Variants in NAALADL2 observed in about 807,000 individuals in gnomAD.
NAALADL2 encodes inactive N-acetylated-alpha-linked acidic dipeptidase-like protein 2.
Under a neutral mutation model 87.2 loss-of-function variants are expected in NAALADL2, and 76 were observed. That is an observed-to-expected ratio of 0.87 (90% CI 0.72 to 1.05). The LOEUF (loss-of-function observed/expected upper bound fraction) is 1.05. Ranked by LOEUF, NAALADL2 falls within the 50% of genes least tolerant of loss-of-function variation. The pLI is 0.00. For missense variants in NAALADL2, 1,089 were observed against 945.8 expected, an observed-to-expected ratio of 1.15 and a Z score of -1.99; for synonymous variants, 354 against 331.0, an observed-to-expected ratio of 1.07 and a Z score of -0.75.
rs571089260 is a variant in NAALADL2 at position 175,573,208 on chromosome 3, G to C, written c.1654-2833G>C. Among the ~76,000 whole-genome samples, 32 of 152,258 alleles carry C rather than the reference G, an allele frequency of 2.1e-4. No homozygotes were observed. In the South Asian group the frequency reaches 6.6e-3, roughly 32 times the overall value. On this transcript the variant is annotated intron_variant, in intron 9 of 13. Coordinates refer to ENST00000454872, the MANE Select transcript of NAALADL2 (RefSeq NM_207015.3). ...ATGGCTGAGCATGGGTGGATGTTAAGAGTTAACGTATGTAAAACAAAATTA... is the reference window on the plus strand; with the variant it reads ...ATGGCTGAGCATGGGTGGATGTTAACAGTTAACGTATGTAAAACAAAATTA...
chr3:175,742,487 T>A (rs1745365026), intron 12 of NAALADL2, among the ~76,000 whole-genome samples: 1 of 152,058 alleles, frequency 6.6e-6, no homozygotes, highest in African/African-American at 2.4e-5. Context: ...AAGCTCCGCC[T>A]CCCGGGTTCA....
intron 1 of NAALADL2, among the ~76,000 whole-genome samples, chr3:174,910,801 G>A (rs1490424097): frequency 6.6e-6 from 1 of 152,008 alleles, no homozygotes; most frequent in African/African-American, 2.4e-5. Flanking sequence ...TTTAAAATGT[G>A]ACATCTGAAA....
chr3:175,655,252 A>G (rs1731300296), intron 11 of NAALADL2, among the ~76,000 whole-genome samples: 1 of 152,050 alleles, frequency 6.6e-6, no homozygotes, highest in Non-Finnish European at 1.5e-5. Flanking sequence ...ATTTGTGCAT[A>G]TTTGGTGGTA....
At chr3:175,195,441 T>C (rs931532975) in intron 2 of NAALADL2, among the ~76,000 whole-genome samples, 3 of 151,812 alleles carry the variant, frequency 2.0e-5, no homozygotes, top group African/African-American at 4.8e-5. Context: ...GAGGGGGTGC[T>C]GAATAAATGT....
intron 2 of NAALADL2, among the ~76,000 whole-genome samples, chr3:175,178,138 T>C (rs1735955774): frequency 6.6e-6 from 1 of 151,980 alleles, no homozygotes; most frequent in Admixed American, 6.6e-5. Flanking sequence ...CAGTTCTATG[T>C]CATAATGGGT....
At chr3:175,241,412 G>A (rs1170715322) in intron 3 of NAALADL2, among the ~76,000 whole-genome samples, 1 of 151,826 alleles carries the variant, frequency 6.6e-6, no homozygotes, top group Non-Finnish European at 1.5e-5. Flanking sequence ...GTAGGGATGG[G>A]GTTTCAACAT....
intron 1 of NAALADL2, among the ~76,000 whole-genome samples, chr3:174,497,582 G>A (rs527684023): frequency 6.6e-5 from 10 of 152,072 alleles, no homozygotes; most frequent in Non-Finnish European, 7.4e-5. Flanking sequence ...ACACTTCTAC[G>A]TTTATCTATT....
intron 1 of NAALADL2, among the ~76,000 whole-genome samples, chr3:175,036,983 C>T (rs1392894349): frequency 2.0e-5 from 3 of 152,036 alleles, no homozygotes; most frequent in Non-Finnish European, 4.4e-5. Flanking sequence ...GAGCTACTCT[C>T]TCATACACAG....
intron 2 of NAALADL2, among the ~76,000 whole-genome samples, chr3:175,179,658 G>A (rs1358922632): frequency 6.6e-6 from 1 of 151,916 alleles, no homozygotes; most frequent in Non-Finnish European, 1.5e-5. Context: ...CCATAGACAT[G>A]GGTTACTTCT....
chr3:175,514,368 G>A (rs550979082), intron 9 of NAALADL2, among the ~76,000 whole-genome samples: 5 of 152,262 alleles, frequency 3.3e-5, no homozygotes, highest in African/African-American at 1.2e-4. Flanking sequence ...CATAATGAAA[G>A]AGAAAATGAT....
intron 1 of NAALADL2, among the ~76,000 whole-genome samples, chr3:174,984,748 T>C (rs897060842): frequency 1.1e-4 from 16 of 152,146 alleles, no homozygotes; most frequent in African/African-American, 3.9e-4. Context: ...AGAAGGTAAA[T>C]GAACTCATCA....
chr3:174,780,876 A>G (rs370469423), intron 3 of NAALADL2, among the ~76,000 whole-genome samples: 34 of 151,852 alleles, frequency 2.2e-4, no homozygotes, highest in African/African-American at 8.0e-4. Flanking sequence ...CGTACTGTTG[A>G]TGGTCTTTAC....
chr3:175,061,559 G>C (rs1321331917), intron 1 of NAALADL2, among the ~76,000 whole-genome samples: 2 of 152,002 alleles, frequency 1.3e-5, no homozygotes, highest in South Asian at 4.1e-4. Context: ...TTGTTCCATG[G>C]ATGGGGAGGG....
At chr3:175,662,772 T>A (rs1157128806) in intron 11 of NAALADL2, among the ~76,000 whole-genome samples, 2 of 152,014 alleles carry the variant, frequency 1.3e-5, no homozygotes, top group East Asian at 3.8e-4. Context: ...GGTCTTTGAT[T>A]TTCTTGATGT....
upstream of NAALADL2, among the ~76,000 whole-genome samples, chr3:174,855,648 T>C (rs561034062): frequency 3.9e-5 from 6 of 152,036 alleles, no homozygotes; most frequent in South Asian, 2.1e-4. Context: ...TTTCTGATGA[T>C]GGTAATTTTA....
At chr3:175,558,418 C>G (rs1715715549) in intron 9 of NAALADL2, among the ~76,000 whole-genome samples, 1 of 151,966 alleles carries the variant, frequency 6.6e-6, no homozygotes, top group African/African-American at 2.4e-5. Context: ...TGTGTAGAAG[C>G]TTGTTAACTT....
intron 2 of NAALADL2, among the ~76,000 whole-genome samples, chr3:174,611,932 T>C (rs1424555544): frequency 6.6e-6 from 1 of 152,060 alleles, no homozygotes; most frequent in East Asian, 1.9e-4. Context: ...CCTTTTTTTT[T>C]TTTTCTTGAC....
At chr3:175,347,876 C>T (rs373306134) in intron 5 of NAALADL2, among the ~76,000 whole-genome samples, 72 of 152,164 alleles carry the variant, frequency 4.7e-4, no homozygotes, top group Middle Eastern at 3.4e-3. Context: ...CTAATGCTAT[C>T]CCTCCTCTAG....
At chr3:175,192,063 TATTTG>T (rs1738289978) in intron 2 of NAALADL2, among the ~76,000 whole-genome samples, 1 of 152,090 alleles carries the variant, frequency 6.6e-6, no homozygotes, top group South Asian at 2.1e-4. Flanking sequence ...GAATAAAACT[TATTTG>T]AGGTGTGCAT....
Sources: gnomAD v4.1 joint callset for allele counts (sites outside exome capture counted in the v4.1 genomes callset) on GRCh38, gnomAD v4.1.1 for gene constraint, MANE v1.5 for transcripts, NCBI Gene and HGNC (gene_info 2026-07-23, HGNC 2026-07-21) for gene names.